The following TGIF1 variants were observed in gnomAD, a reference collection of about 807,000 sequenced individuals.
TGIF1 encodes the protein TGFB induced factor homeobox 1, also known as homeobox protein TGIF1.
In TGIF1, 4 loss-of-function variants were observed where a neutral mutation model predicts 19.3. The observed-to-expected ratio is 0.21, with a 90% CI of 0.10 to 0.47. TGIF1 has a LOEUF of 0.47. Among genes scored for constraint, TGIF1 ranks in the 20% least tolerant of loss-of-function variants. The pLI is 0.98. For synonymous variants in TGIF1, 122 were observed against 129.3 expected (o/e 0.94, Z 0.38); for missense variants, 275 against 341.4 (o/e 0.81, Z 1.53).
At chr18:3,443,148 A>G (rs1334713597) in intron 2 of TGIF1, among the ~76,000 whole-genome samples, 1 of 152,182 alleles carries the variant, frequency 6.6e-6, no homozygotes, top group Non-Finnish European at 1.5e-5. Flanking sequence ...GCCCCAGTAC[A>G]CAATCAGAAG....
At chr18:3,452,331 C>A in intron 1 of TGIF1, 1 of 1,613,266 alleles carries the variant, frequency 6.2e-7, no homozygotes. Flanking sequence ...GTCCCCATCC[C>A]AGGGCGCACA....
At position 3,457,766 on chromosome 18, in the gene TGIF1, C is replaced by T. The variant is rs1263316758; in HGVS notation, c.645C>T (p.Tyr215=). 7 of 1,614,130 alleles carry T rather than the reference C, an allele frequency of 4.3e-6. No individual in the cohort carries two copies. The highest frequency in any genetic ancestry group is 1.7e-5 in the Admixed American group (1 of 60,012). The change falls in exon 3 of 3, where the codon TAC becomes TAT. Residue 215 remains tyrosine (Y), a synonymous_variant. Coordinates refer to ENST00000343820, the MANE Select transcript of TGIF1 (RefSeq NM_003244.4). This position sits in a 1 kb window ranked among gnomAD's most constrained non-coding sequence, Gnocchi z 4.9. ...AKNFTDTSLM[Y]PEDTCKSGPS... Reference sequence around the variant, plus strand: ...ACTTCACAGACACCTCTCTCATGTACCCAGAGGACACTTGTAAATCTGGAC... The same window carrying T: ...ACTTCACAGACACCTCTCTCATGTATCCAGAGGACACTTGTAAATCTGGAC...
In TGIF1 at chr18:3,457,769, A is replaced by G. The variant is rs1172556772; in HGVS notation, c.648A>G (p.Pro216=). 2 of 1,614,160 alleles carry G rather than the reference A, an allele frequency of 1.2e-6. No individual in the cohort carries two copies. Residue 216 remains proline, a synonymous_variant, in exon 3 of 3, where the codon CCA becomes CCG. Transcript: ENST00000343820. This position sits in a 1 kb window ranked among gnomAD's most constrained non-coding sequence, Gnocchi z 4.9. Reference sequence around the variant, plus strand: ...TCACAGACACCTCTCTCATGTACCCAGAGGACACTTGTAAATCTGGACCAA... The same window carrying G: ...TCACAGACACCTCTCTCATGTACCCGGAGGACACTTGTAAATCTGGACCAA... ...KNFTDTSLMY[P]EDTCKSGPST... is the part of the protein sequence containing the mutation.
rs967566055 is a variant in TGIF1 at position 3,438,040 on chromosome 18, C to T, written c.-44-18314C>T. ...CAGAGGTTGCAGTGAGCCGAGATCA[C>T]GCCATTGAACTCCAACCTGGGTGAC... is the stretch of plus-strand genomic sequence containing the variant. On this transcript the variant is annotated intron_variant, in intron 2 of 3. Transcript: ENST00000401449. Among the ~76,000 whole-genome samples the T allele has an allele frequency of 5.3e-5, 8 of 151,916 alleles. No individual in the cohort carries two copies. The South Asian group carries it at 6.2e-4, about 12-fold the overall frequency.
chr18:3,429,428 A>G (rs892916572), intron 2 of TGIF1, among the ~76,000 whole-genome samples: 2 of 152,048 alleles, frequency 1.3e-5, no homozygotes, highest in Non-Finnish European at 2.9e-5. Flanking sequence ...TATTTTCTCA[A>G]CTATGAGTGA....
At position 3,457,356 on chromosome 18, in the gene TGIF1, T is replaced by C. The variant is rs751328124; in HGVS notation, c.244-9T>C. 1.1e-5 allele frequency: 17 copies of C among 1,614,016 alleles called. No individual in the cohort carries two copies. The highest frequency in any genetic ancestry group is 6.7e-5 in the African/African-American group (5 of 74,934). ...AGGAAAATGTTAAAGCGTACCGATA[T>C]GATTTCAGGTCTGTAACTGGTTCAT... is the stretch of plus-strand genomic sequence containing the variant. On this transcript the variant is annotated splice_polypyrimidine_tract_variant and intron_variant, in intron 2 of 2. Coordinates refer to ENST00000343820, the MANE Select transcript of TGIF1 (RefSeq NM_003244.4). This position sits in a 1 kb window ranked among gnomAD's most constrained non-coding sequence, Gnocchi z 4.9.
chr18:3,434,036 C>T (rs190036889), intron 2 of TGIF1, among the ~76,000 whole-genome samples: 1 of 152,178 alleles, frequency 6.6e-6, no homozygotes, highest in African/African-American at 2.4e-5. Context: ...GGAACAGCCT[C>T]CTTCCCTACC....
chr18:3,434,264 C>T (rs56215601), intron 2 of TGIF1, among the ~76,000 whole-genome samples: 21,003 of 152,076 alleles, frequency 0.14, 1,727 homozygotes, highest in African/African-American at 0.21. Flanking sequence ...GGGCCGGGTG[C>T]GGTGGCTTAT....
chr18:3,414,355 A>G (rs1433061782), intron 1 of TGIF1, among the ~76,000 whole-genome samples: 1 of 152,224 alleles, frequency 6.6e-6, no homozygotes, highest in African/African-American at 2.4e-5. Context: ...ATTCTCATTT[A>G]CACAACTAAT....
rs1291465965 is a variant in TGIF1, at chr18:3,451,544, G to A, written c.16+1039G>A. 9.9e-7 allele frequency: 1 copy of A among 1,010,206 alleles called. No individual in the cohort carries two copies. The highest frequency in any genetic ancestry group is 1.7e-5 in the African/African-American group (1 of 58,308). The allele number at this position is 1,010,206 out of a possible 1,614,324, so 62.6% of individuals were successfully genotyped here. ...TAATCACTCGGGAAGCGGACGGGAG[G>A]GGCGGCGCTACTGCGCATGCCCGGG... On this transcript the variant is annotated intron_variant, in intron 1 of 2. Transcript: ENST00000343820. This position sits in a 1 kb window ranked among gnomAD's most constrained non-coding sequence, Gnocchi z 5.4.
In TGIF1 at chr18:3,450,424, CCT is replaced by C. The variant is rs1185633472; in HGVS notation, c.-65_-64del. 9.7e-6 allele frequency: 15 copies of C among 1,551,130 alleles called. No homozygotes were observed. The highest frequency in any genetic ancestry group is 4.1e-5 in the African/African-American group (3 of 73,048). On this transcript the variant is annotated 5_prime_UTR_variant, in exon 1 of 3. Coordinates refer to ENST00000343820, the MANE Select transcript of TGIF1 (RefSeq NM_003244.4). ...CTGTGAAGGAGACGTTCGCTTATCC[CCT>C]GTGTCCCCGCTCCTGGCCCCTCCAG...
chr18:3,417,284 C>T (rs998071043), intron 1 of TGIF1, among the ~76,000 whole-genome samples: 5 of 152,092 alleles, frequency 3.3e-5, no homozygotes, highest in Admixed American at 2.0e-4. Flanking sequence ...CTCAGCCTCC[C>T]GAGTAGCTGG....
chr18:3,447,971 GA>G (rs1317904705), upstream of TGIF1: 32 of 904,922 alleles, frequency 3.5e-5, no homozygotes, highest in Middle Eastern at 2.2e-3. Context: ...CCACTTGGAC[GA>G]AAGCAAAGCT....
chr18:3,448,301 G>T, upstream of TGIF1: 1 of 985,408 alleles, frequency 1.0e-6, no homozygotes, highest in Non-Finnish European at 1.2e-6. Flanking sequence ...GCTCCCCAGC[G>T]GATAGGAGCC....
In TGIF1 at chr18:3,423,499, G is replaced by A. The variant is rs150418354; in HGVS notation, c.-45+5284G>A. On this transcript the variant is annotated intron_variant, in intron 2 of 3. Transcript: ENST00000401449. ...TCGAGACCTTCCTGGCTAACACGGC[G>A]AAACCCCGTCTCTACTAAAAAAATA... Among the ~76,000 whole-genome samples, 85 of 152,084 alleles carry A rather than the reference G, an allele frequency of 5.6e-4. 1 individual carries two copies. In the East Asian group the frequency reaches 0.012, roughly 22 times the overall value.
rs116619229 is a variant in TGIF1, at chr18:3,414,981, T to C, written c.-118+2727T>C. Among the ~76,000 whole-genome samples, 912 of 152,356 alleles carry C rather than the reference T, an allele frequency of 6.0e-3. 1 individual carries two copies. Among genetic ancestry groups the C allele is most frequent in the African/African-American group, 0.02 (839 of 41,582 alleles). On this transcript the variant is annotated intron_variant, in intron 1 of 3. Transcript: ENST00000401449. The stretch of plus-strand genomic sequence containing the variant: ...CTACACTACACTTCTAAATTCTTTC[T>C]AAAGGGCAATTTGACAATGCATGTA...
At chr18:3,416,262 G>A (rs1253131129) in intron 1 of TGIF1, among the ~76,000 whole-genome samples, 1 of 152,250 alleles carries the variant, frequency 6.6e-6, no homozygotes, top group Non-Finnish European at 1.5e-5. Context: ...GCTCATGCCT[G>A]TGATCCCAGC....
In TGIF1 at chr18:3,458,138, G is replaced by A. The variant is rs1212763873; in HGVS notation, c.*198G>A. The A allele has an allele frequency of 3.5e-6, 2 of 563,550 alleles. No homozygotes were observed. Among genetic ancestry groups the A allele is most frequent in the African/African-American group, 1.9e-5 (1 of 52,824 alleles). The allele number at this position is 563,550 out of a possible 1,614,324, so 34.9% of individuals were successfully genotyped here. ...ACTTAAAGCTACTGTAGAAACAAAG[G>A]GTTTTCTTTTTTAAATGTTTCTTGG... is the stretch of plus-strand genomic sequence containing the variant. On this transcript the variant is annotated 3_prime_UTR_variant, in exon 3 of 3. Transcript: ENST00000343820.
chr18:3,456,061 G>A lies in TGIF1; in HGVS notation c.17-293G>A. 2.2e-6 allele frequency: 1 copy of A among 451,610 alleles called. No homozygotes were observed. The highest frequency in any genetic ancestry group is 4.1e-6 in the Non-Finnish European group (1 of 243,238). The allele number at this position is 451,610 out of a possible 1,614,324, so 28.0% of individuals were successfully genotyped here. ...TTGGGTGCAGTTTGTCTCCTCCAAT[G>A]ATTAGACGAAAGAGTTTTCTGACCA... On this transcript the variant is annotated intron_variant, in intron 1 of 2. Coordinates refer to ENST00000343820, the MANE Select transcript of TGIF1 (RefSeq NM_003244.4). This position sits in a 1 kb window ranked among gnomAD's most constrained non-coding sequence, Gnocchi z 4.2.
Sources: gnomAD v4.1 joint callset for allele counts (sites outside exome capture counted in the v4.1 genomes callset) on GRCh38, gnomAD v4.1.1 for gene constraint, Gnocchi (gnomAD v3.1) non-coding constraint, MANE v1.5 for transcripts, NCBI Gene and HGNC (gene_info 2026-07-23, HGNC 2026-07-21) for gene names.